Variants in ADAM19 observed in about 807,000 individuals in gnomAD.
ADAM19 encodes disintegrin and metalloproteinase domain-containing protein 19.
A neutral mutation model predicts 114.7 loss-of-function variants in ADAM19; 65 were observed. That is an observed-to-expected ratio of 0.57 (90% CI 0.46 to 0.70). The LOEUF is 0.70. Ranked by LOEUF, ADAM19 falls within the 30% of genes least tolerant of loss-of-function variation. ADAM19 has a pLI of 0.00. For synonymous variants in ADAM19, 466 were observed against 460.5 expected, an observed-to-expected ratio of 1.01 and a Z score of -0.15; for missense variants, 1,063 against 1,204.7, an observed-to-expected ratio of 0.88 and a Z score of 1.74.
intron 4 of ADAM19, among the ~76,000 whole-genome samples, chr5:157,531,105 A>G (rs1186798718): frequency 6.6e-6 from 1 of 152,176 alleles, no homozygotes; most frequent in East Asian, 1.9e-4. Flanking sequence ...CATGAAGCAG[A>G]TGAAAAGCTG....
rs1259827875 is a variant in ADAM19, at chr5:157,499,443, T to C, written c.1398+130A>G. 1.3e-5 allele frequency: 10 copies of C among 782,686 alleles called. No homozygotes were observed. The East Asian group carries it at 2.7e-4, about 21-fold the overall frequency. The allele number at this position is 782,686 out of a possible 1,614,324, so 48.5% of individuals were successfully genotyped here. ...TATTCAAGGCACCTTTTCCGCTCTG[T>C]GTTTCTGAAACTCTGTTGCCATCAC... On this transcript the variant is annotated intron_variant, in intron 13 of 22. Coordinates refer to ENST00000257527, the MANE Select transcript of ADAM19 (RefSeq NM_033274.5).
intron 12 of ADAM19, among the ~76,000 whole-genome samples, 180 bp downstream of exon 12, chr5:157,502,623 A>G (rs1190563536): frequency 6.6e-6 from 1 of 152,228 alleles, no homozygotes; most frequent in Non-Finnish European, 1.5e-5. Context: ...AAACTAGCAG[A>G]GGCGGCACAA....
intron 4 of ADAM19, among the ~76,000 whole-genome samples, chr5:157,535,829 A>G (rs1416659407): frequency 1.3e-5 from 2 of 152,218 alleles, no homozygotes; most frequent in Non-Finnish European, 2.9e-5. Context: ...ACTGAGACCC[A>G]TTCTTGAGCT....
intron 3 of ADAM19, among the ~76,000 whole-genome samples, chr5:157,539,993 C>A (rs1377246165): frequency 6.6e-6 from 1 of 152,194 alleles, no homozygotes; most frequent in East Asian, 1.9e-4. Context: ...ACATTCACTG[C>A]CTCTACGGCC....
chr5:157,479,527 C>T lies in ADAM19; in HGVS notation c.*1422G>A, dbSNP rs1409667251. 1.4e-5 allele frequency: 14 copies of T among 985,732 alleles called. No homozygotes were observed. The highest frequency in any genetic ancestry group is 1.7e-5 in the Non-Finnish European group (14 of 829,958). 61.1% of individuals were successfully genotyped at this position (985,732 alleles called of 1,614,324 possible). On this transcript the variant is annotated 3_prime_UTR_variant, in exon 23 of 23. Coordinates refer to ENST00000257527, the MANE Select transcript of ADAM19 (RefSeq NM_033274.5). ...ACATCTCCAGGTGCTTTGCAAAAAC[C>T]GTCCTATCTAGCAAAGCACCACACG... is the stretch of plus-strand genomic sequence containing the variant.
rs183014848 is a variant in ADAM19, at chr5:157,536,436, T to C, written c.330+1477A>G. On this transcript the variant is annotated intron_variant, in intron 4 of 22. Transcript: ENST00000257527. The stretch of plus-strand genomic sequence containing the variant: ...TGAGGTCAGGAGTTCGAGAATAGCT[T>C]GGCCAACATGGTGAAACCCTGTCTC... Among the ~76,000 whole-genome samples, 7 of 152,286 alleles carry C rather than the reference T, an allele frequency of 4.6e-5. No individual in the cohort carries two copies. In the East Asian group the frequency reaches 9.6e-4, roughly 21 times the overall value.
chr5:157,552,572 G>A (rs528165712), intron 3 of ADAM19, among the ~76,000 whole-genome samples: 8 of 151,480 alleles, frequency 5.3e-5, no homozygotes, highest in Non-Finnish European at 8.8e-5. Flanking sequence ...CCAGCTACTC[G>A]GGAGGCTGAG....
chr5:157,494,722 C>T lies in ADAM19; in HGVS notation c.1668G>A (p.Lys556=). ...ACTTCCTGTGTTCACCATTCATGTCCTTTCCACAGTTTCCAAAGGTGTCTC... is the reference window on the plus strand; with the variant it reads ...ACTTCCTGTGTTCACCATTCATGTCTTTTCCACAGTTTCCAAAGGTGTCTC... ...VAGDTFGNCG[K]DMNGEHRKCN... Residue 556 remains lysine, a synonymous_variant, in exon 15 of 23, where the codon AAG becomes AAA. Transcript: ENST00000257527. 6.2e-7 allele frequency: 1 copy of T among 1,613,820 alleles called. No individual in the cohort carries two copies. Among genetic ancestry groups the T allele is most frequent in the Non-Finnish European group, 8.5e-7 (1 of 1,179,764 alleles).
rs1754662229 is a variant in ADAM19 at position 157,478,535 on chromosome 5, C to T, written c.*2414G>A. 1 of 981,016 alleles carries T rather than the reference C, an allele frequency of 1.0e-6. No homozygotes were observed. The allele number at this position is 981,016 out of a possible 1,614,324, so 60.8% of individuals were successfully genotyped here. On this transcript the variant is annotated 3_prime_UTR_variant, in exon 23 of 23. Coordinates refer to ENST00000257527, the MANE Select transcript of ADAM19 (RefSeq NM_033274.5). Reference sequence around the variant, plus strand: ...TGCTTTGGAATAAGGTCTCTCCTTCCCTAAGCCCAGATTTATTTGTATTTG... The same window carrying T: ...TGCTTTGGAATAAGGTCTCTCCTTCTCTAAGCCCAGATTTATTTGTATTTG...
intron 15 of ADAM19, among the ~76,000 whole-genome samples, chr5:157,494,244 G>A (rs1755272246): frequency 6.6e-6 from 1 of 150,686 alleles, no homozygotes; most frequent in African/African-American, 2.5e-5. Flanking sequence ...GTGGGTGAGT[G>A]GGTGGTAGAT....
At chr5:157,531,158 G>A (rs1448009937) in intron 4 of ADAM19, among the ~76,000 whole-genome samples, 1 of 152,150 alleles carries the variant, frequency 6.6e-6, no homozygotes, top group Non-Finnish European at 1.5e-5. Context: ...TCTCCCTGCT[G>A]ATTGGAAAAT....
At chr5:157,530,763 T>C (rs762308974) in intron 5 of ADAM19, 44 bp downstream of exon 5, 87 of 1,539,102 alleles carry the variant, frequency 5.7e-5, no homozygotes, top group Non-Finnish European at 7.2e-5. Flanking sequence ...CTTCCATTCC[T>C]GGGGAGAGTG....
rs536396658 is a variant in ADAM19, at chr5:157,487,485, G to C, written c.2550+780C>G. On this transcript the variant is annotated intron_variant, in intron 21 of 22. Transcript: ENST00000257527. ...CAGAGAAAGCAGTCTCAGTTGAGGG[G>C]TCACACCCAAAACACACAGGCCAGT... Among the ~76,000 whole-genome samples, 45 of 152,304 alleles carry C rather than the reference G, an allele frequency of 3.0e-4. 1 individual carries two copies. The South Asian group carries it at 7.2e-3, about 25-fold the overall frequency.
intron 7 of ADAM19, among the ~76,000 whole-genome samples, chr5:157,516,491 C>T (rs1007240050): frequency 2.6e-5 from 4 of 152,214 alleles, no homozygotes; most frequent in Admixed American, 2.6e-4. Flanking sequence ...ATGCTTCCCA[C>T]TTCTCCAGCT....
At chr5:157,522,999 T>C (rs906746868) in intron 5 of ADAM19, among the ~76,000 whole-genome samples, 2 of 152,190 alleles carry the variant, frequency 1.3e-5, no homozygotes, top group African/African-American at 4.8e-5. Flanking sequence ...TTTACAAATG[T>C]TATTCTTATT....
chr5:157,567,754 G>A (rs531271455), intron 2 of ADAM19, among the ~76,000 whole-genome samples: 4 of 151,266 alleles, frequency 2.6e-5, no homozygotes, highest in Admixed American at 6.6e-5. Context: ...CTGAGATCAC[G>A]CCATTGCACT....
At chr5:157,507,181 AAG>A in intron 9 of ADAM19, 41 bp from the exon 10 acceptor site, 1 of 1,591,680 alleles carries the variant, frequency 6.3e-7, no homozygotes, top group Non-Finnish European at 8.6e-7. Context: ...GGACGAGACT[AAG>A]AGGGCTGTTC....
Position 157,477,500 on chromosome 5 carries a change from CACAT to C in ADAM19, c.*3445_*3448del. On this transcript the variant is annotated 3_prime_UTR_variant, in exon 23 of 23. Coordinates refer to ENST00000257527, the MANE Select transcript of ADAM19 (RefSeq NM_033274.5). Reference sequence around the variant, plus strand: ...AATTCACATTGCCCTGGATCCCAGACACATACAAACGCACAGTGGACGGTGTGAG... The same window carrying C: ...AATTCACATTGCCCTGGATCCCAGACACAAACGCACAGTGGACGGTGTGAG... The C allele has an allele frequency of 9.2e-7, 1 of 1,091,746 alleles. No individual in the cohort carries two copies. The allele number at this position is 1,091,746 out of a possible 1,614,324, so 67.6% of individuals were successfully genotyped here.
At chr5:157,549,925 G>A (rs1043647440) in intron 3 of ADAM19, among the ~76,000 whole-genome samples, 10 of 152,134 alleles carry the variant, frequency 6.6e-5, no homozygotes, top group Admixed American at 6.5e-4. Context: ...ATAGCAATAA[G>A]AATACTGATA....
Sources: gnomAD v4.1 joint callset for allele counts (sites outside exome capture counted in the v4.1 genomes callset) on GRCh38, gnomAD v4.1.1 for gene constraint, MANE v1.5 for transcripts, NCBI Gene and HGNC (gene_info 2026-07-23, HGNC 2026-07-21) for gene names.